The following TTLL13 variants were observed in gnomAD, a reference collection of about 807,000 sequenced individuals.
TTLL13 encodes tubulin polyglutamylase TTLL13.
chr15:90,261,760 A>G, the TTLL13 span, among the ~76,000 whole-genome samples: 1 of 152,202 alleles, frequency 6.6e-6, no homozygotes, highest in Non-Finnish European at 1.5e-5. Flanking sequence ...AGCATGGGCA[A>G]CAGTGCAAGA....
the TTLL13 span, chr15:90,265,435 TGGAAAC>T: frequency 2.3e-6 from 3 of 1,306,598 alleles, no homozygotes; most frequent in Non-Finnish European, 2.9e-6. Flanking sequence ...GGACGGCTCT[TGGAAAC>T]GGAATCCGTA....
At chr15:90,257,480 A>G in the TTLL13 span, among the ~76,000 whole-genome samples, 6,784 of 151,888 alleles carry the variant, frequency 0.045, 501 homozygotes, top group African/African-American at 0.15. Flanking sequence ...CCCAGCACAC[A>G]CTCTTCCCCA....
the TTLL13 span, chr15:90,251,525 T>C: frequency 4.4e-6 from 7 of 1,607,952 alleles, no homozygotes; most frequent in Non-Finnish European, 6.0e-6. Flanking sequence ...CTCCCACTCT[T>C]CCTGATTTAT....
chr15:90,259,122 G>A, the TTLL13 span: 10 of 1,309,358 alleles, frequency 7.6e-6, no homozygotes, highest in Non-Finnish European at 1.0e-5. Flanking sequence ...CAGCACTTTG[G>A]GAGGCTGAGG....
At chr15:90,252,432 C>A in the TTLL13 span, among the ~76,000 whole-genome samples, 1 of 152,190 alleles carries the variant, frequency 6.6e-6, no homozygotes, top group Non-Finnish European at 1.5e-5. Flanking sequence ...CCTCCCACTT[C>A]AGCTTCTCAA....
the TTLL13 span, among the ~76,000 whole-genome samples, chr15:90,260,837 C>A: frequency 1.5e-5 from 2 of 129,988 alleles, no homozygotes; most frequent in African/African-American, 6.0e-5. Context: ...GGCGATAGAG[C>A]AGGACTCTGT....
chr15:90,254,561 C>A, the TTLL13 span, among the ~76,000 whole-genome samples: 1 of 136,340 alleles, frequency 7.3e-6, no homozygotes, highest in African/African-American at 2.6e-5. Context: ...AGGCTGGGCA[C>A]GGTGGACGGT....
the TTLL13 span, chr15:90,263,145 G>A: frequency 6.6e-7 from 1 of 1,521,674 alleles, no homozygotes; most frequent in South Asian, 1.2e-5. Flanking sequence ...ATGAGAGTCG[G>A]GTGAGGGTCC....
the TTLL13 span, chr15:90,255,913 G>A: frequency 1.9e-6 from 3 of 1,613,884 alleles, no homozygotes; most frequent in Admixed American, 5.0e-5. Context: ...CCCATGCTGA[G>A]ATACCAGGGG....
At chr15:90,257,512 C>G in the TTLL13 span, 1 of 1,028,026 alleles carries the variant, frequency 9.7e-7, no homozygotes, top group Non-Finnish European at 1.4e-6. Context: ...AATAGCAGTC[C>G]TCTGGTGGAG....
chr15:90,252,396 G>A, the TTLL13 span, among the ~76,000 whole-genome samples: 1 of 152,062 alleles, frequency 6.6e-6, no homozygotes, highest in African/African-American at 2.4e-5. Flanking sequence ...GCCCAGGCTG[G>A]TCTTGAACTC....
At chr15:90,256,586 TTTCTTTCTTTCTTTCTTTCTTTCCTTCC>T in the TTLL13 span, among the ~76,000 whole-genome samples, 14 of 32,336 alleles carry the variant, frequency 4.3e-4, 1 homozygote, top group African/African-American at 1.4e-3. Flanking sequence ...TCTTTCTTTC[TTTCTTTCTTTCTTTCTTTCTTTCCTTCC>T]TTCCTTCCTT....
chr15:90,258,962 A>G, the TTLL13 span: 1 of 1,613,934 alleles, frequency 6.2e-7, no homozygotes, highest in Non-Finnish European at 8.5e-7. Flanking sequence ...TTAGTTCTTC[A>G]TTATTCCTGA....
chr15:90,264,796 G>A, the TTLL13 span: 1 of 1,536,128 alleles, frequency 6.5e-7, no homozygotes, highest in Non-Finnish European at 8.7e-7. Context: ...TAACCCCAAA[G>A]CAGGGCTATT....
chr15:90,259,858 C>T, the TTLL13 span, among the ~76,000 whole-genome samples: 1 of 152,118 alleles, frequency 6.6e-6, no homozygotes, highest in Non-Finnish European at 1.5e-5. Flanking sequence ...AACTGGTCAC[C>T]GATACTAAAA....
chr15:90,262,281 C>T, the TTLL13 span: 1 of 1,335,526 alleles, frequency 7.5e-7, no homozygotes. Context: ...GGAAGCCAGA[C>T]ACCAGCAAAG....
chr15:90,258,836 C>T, the TTLL13 span: 328 of 1,613,996 alleles, frequency 2.0e-4, 1 homozygote, highest in Middle Eastern at 1.8e-3. Flanking sequence ...TGTCAACCTC[C>T]GGGGCTGTGA....
At chr15:90,255,626 G>C in the TTLL13 span, 27 of 1,353,782 alleles carry the variant, frequency 2.0e-5, no homozygotes, top group Non-Finnish European at 2.8e-5. Context: ...GGGGTCCTTG[G>C]TGCAGTGCTT....
chr15:90,251,442 A>T, the TTLL13 span: 1 of 1,157,926 alleles, frequency 8.6e-7, no homozygotes, highest in Non-Finnish European at 1.3e-6. Context: ...TCTGTCTTTT[A>T]AGTGGCTTCT....
Sources: allele counts gnomAD v4.1 joint callset (sites outside exome capture counted in the v4.1 genomes callset), GRCh38; gene constraint gnomAD v4.1.1; transcripts MANE v1.5; gene names NCBI Gene and HGNC (gene_info 2026-07-23, HGNC 2026-07-21).